Variants in FBXO34 observed in about 807,000 individuals in gnomAD.
The protein encoded by FBXO34 is F-box only protein 34.
Under a neutral mutation model 24.5 loss-of-function variants are expected in FBXO34, and 12 were observed. The observed-to-expected ratio is 0.49, with a 90% CI of 0.31 to 0.79. The LOEUF is 0.79. Ranked by LOEUF, FBXO34 falls within the 30% of genes least tolerant of loss-of-function variation. The pLI is 0.04. For missense variants in FBXO34, 823 were observed against 857.7 expected (o/e 0.96, Z 0.51); for synonymous variants, 320 against 311.9 (o/e 1.03, Z -0.27).
chr14:55,343,207 G>A (rs1884047484), intron 1 of FBXO34, among the ~76,000 whole-genome samples: 1 of 151,570 alleles, frequency 6.6e-6, no homozygotes, highest in Admixed American at 6.6e-5. Context: ...AATGAGAAGG[G>A]GCCTTTGTAT....
At chr14:55,378,612 T>C in the FBXO34 span, among the ~76,000 whole-genome samples, 86 of 151,976 alleles carry the variant, frequency 5.7e-4, no homozygotes, top group Admixed American at 3.7e-3. Flanking sequence ...CCTCCCTCCC[T>C]TCCTCCCTCC....
chr14:55,388,301 G>A, the FBXO34 span, among the ~76,000 whole-genome samples: 1 of 152,174 alleles, frequency 6.6e-6, no homozygotes, highest in African/African-American at 2.4e-5. Context: ...GTCATACAGT[G>A]GTCAGATTTC....
At chr14:55,417,083 G>T in the FBXO34 span, among the ~76,000 whole-genome samples, 1 of 152,208 alleles carries the variant, frequency 6.6e-6, no homozygotes, top group Non-Finnish European at 1.5e-5. Context: ...ACATTTGAGG[G>T]ATCATTATAT....
At chr14:55,280,852 G>T (rs1881514997) in intron 1 of FBXO34, among the ~76,000 whole-genome samples, 1 of 152,004 alleles carries the variant, frequency 6.6e-6, no homozygotes, top group Non-Finnish European at 1.5e-5. Flanking sequence ...AGCATCCATG[G>T]AGTTTGGTGT....
At chr14:55,281,570 T>G (rs1475089437) in intron 1 of FBXO34, among the ~76,000 whole-genome samples, 1 of 152,230 alleles carries the variant, frequency 6.6e-6, no homozygotes, top group African/African-American at 2.4e-5. Flanking sequence ...TTTCTGGGAC[T>G]CCCTGCAATA....
At chr14:55,402,941 ATATATATATATATATATATATATATAT>A in the FBXO34 span, among the ~76,000 whole-genome samples, 2 of 48,718 alleles carry the variant, frequency 4.1e-5, no homozygotes, top group Admixed American at 4.2e-4. Context: ...ATATATATAT[ATATATATATATATATATATATATATAT>A]AAATAGCTGG....
In FBXO34 at chr14:55,353,281, T is replaced by G. The variant is rs1214494581; in HGVS notation, c.*755T>G. On this transcript the variant is annotated 3_prime_UTR_variant, in exon 2 of 2. Coordinates refer to ENST00000313833, the MANE Select transcript of FBXO34 (RefSeq NM_017943.4). Reference sequence around the variant, plus strand: ...TGTTGCGGCTATAATTTTGTGTTTTTTTTTTTTAATTGTCTAGTCTTAAAT... The same window carrying G: ...TGTTGCGGCTATAATTTTGTGTTTTGTTTTTTTAATTGTCTAGTCTTAAAT... The G allele has an allele frequency of 6.0e-6, 1 of 167,030 alleles. No individual in the cohort carries two copies. The highest frequency in any genetic ancestry group is 1.5e-5 in the Non-Finnish European group (1 of 68,090). The allele number at this position is 167,030 out of a possible 1,614,324, so 10.3% of individuals were successfully genotyped here.
chr14:55,338,556 A>G (rs1458184652), intron 1 of FBXO34, among the ~76,000 whole-genome samples: 1 of 152,102 alleles, frequency 6.6e-6, no homozygotes, highest in African/African-American at 2.4e-5. Context: ...AAAACAAGTT[A>G]TTCTCCTCTT....
downstream of FBXO34, among the ~76,000 whole-genome samples, chr14:55,371,581 C>G (rs949693208): frequency 4.0e-5 from 6 of 151,848 alleles, no homozygotes; most frequent in African/African-American, 1.5e-4. Context: ...CTGCGGCGGG[C>G]AGATCACGAG....
chr14:55,340,313 T>G (rs968139635), intron 1 of FBXO34, among the ~76,000 whole-genome samples: 3 of 152,128 alleles, frequency 2.0e-5, no homozygotes, highest in Non-Finnish European at 4.4e-5. Flanking sequence ...GGCATGATCA[T>G]AGCTCACTGC....
chr14:55,404,251 G>A, the FBXO34 span, among the ~76,000 whole-genome samples: 3 of 152,186 alleles, frequency 2.0e-5, no homozygotes, highest in Non-Finnish European at 4.4e-5. Flanking sequence ...CTTGGCTCTG[G>A]CTGAAAGTAG....
intron 1 of FBXO34, among the ~76,000 whole-genome samples, chr14:55,335,824 A>G (rs1445238951): frequency 6.6e-6 from 1 of 152,240 alleles, no homozygotes; most frequent in African/African-American, 2.4e-5. Context: ...ATCCATATAT[A>G]CATAATGAAG....
the FBXO34 span, chr14:55,378,159 T>A: frequency 3.6e-6 from 4 of 1,107,836 alleles, no homozygotes; most frequent in Non-Finnish European, 5.4e-6. Flanking sequence ...CAATTAGGTA[T>A]AACACATACT....
the FBXO34 span, chr14:55,411,935 C>T: frequency 1.0e-6 from 1 of 980,882 alleles, no homozygotes; most frequent in Non-Finnish European, 1.5e-6. Context: ...AGCCCCCGGA[C>T]CCCTCCGCCG....
At chr14:55,363,960 T>C (rs963286947), downstream of FBXO34, among the ~76,000 whole-genome samples, 5 of 149,340 alleles carry the variant, frequency 3.3e-5, no homozygotes, top group Admixed American at 6.6e-5. Flanking sequence ...TTTTTTTTTT[T>C]TGAGACAGAG....
chr14:55,285,372 GAA>G (rs767378503), intron 1 of FBXO34: 2 of 139,672 alleles, frequency 1.4e-5, no homozygotes, highest in Non-Finnish European at 1.6e-5. Context: ...CTCTGTCTCA[GAA>G]AAAAAAAAAA....
downstream of FBXO34, among the ~76,000 whole-genome samples, chr14:55,353,783 C>G (rs939494149): frequency 6.6e-6 from 1 of 152,180 alleles, no homozygotes; most frequent in African/African-American, 2.4e-5. Context: ...ATTTTTGCAA[C>G]CTGTCAGTTC....
chr14:55,308,479 G>A (rs1873979942), intron 1 of FBXO34, among the ~76,000 whole-genome samples: 1 of 152,146 alleles, frequency 6.6e-6, no homozygotes, highest in Non-Finnish European at 1.5e-5. Flanking sequence ...TTCATGTTAA[G>A]GTTCTTCCAT....
chr14:55,438,040 G>A, the FBXO34 span, among the ~76,000 whole-genome samples: 2 of 152,152 alleles, frequency 1.3e-5, no homozygotes. Context: ...ACTTTATTAT[G>A]GGAAAAAATC....
Sources: gnomAD v4.1 joint callset for allele counts (sites outside exome capture counted in the v4.1 genomes callset) on GRCh38, gnomAD v4.1.1 for gene constraint, MANE v1.5 for transcripts, NCBI Gene and HGNC (gene_info 2026-07-23, HGNC 2026-07-21) for gene names.